CD247: variants seen among roughly 807,000 people sequenced by gnomAD.
CD247 encodes T-cell surface glycoprotein CD3 zeta chain.
A neutral mutation model predicts 30.0 loss-of-function variants in CD247; 13 were observed. That is an observed-to-expected ratio of 0.43 (90% CI 0.28 to 0.69). CD247 has a LOEUF of 0.69. Ranked by LOEUF, CD247 falls within the 30% of genes least tolerant of loss-of-function variation. The pLI is 0.16. For missense variants in CD247, 193 were observed against 212.6 expected, an observed-to-expected ratio of 0.91 and a Z score of 0.57; for synonymous variants, 72 against 80.0, an observed-to-expected ratio of 0.90 and a Z score of 0.53.
At chr1:167,502,888 C>G (rs1410920204) in intron 1 of CD247, among the ~76,000 whole-genome samples, 4 of 152,178 alleles carry the variant, frequency 2.6e-5, no homozygotes, top group Admixed American at 2.6e-4. Context: ...GCACAGCCCT[C>G]AGAAGGAACC....
At chr1:167,511,418 C>T (rs1224403986) in intron 1 of CD247, among the ~76,000 whole-genome samples, 1 of 152,052 alleles carries the variant, frequency 6.6e-6, no homozygotes, top group Non-Finnish European at 1.5e-5. Flanking sequence ...CAAATTGAGG[C>T]GCATCCCTCT....
chr1:167,492,018 CA>C lies in CD247; in HGVS notation c.58+26389del, dbSNP rs1159958261. Among the ~76,000 whole-genome samples the C allele has an allele frequency of 3.3e-5, 5 of 152,164 alleles. No individual in the cohort carries two copies. In the East Asian group the frequency reaches 9.6e-4, roughly 29 times the overall value. ...TCATGGGTACAGAGTTTCAGTTTCGCAAAATGAAAAGAATTCTAGAGACGGA... is the reference window on the plus strand; with the variant it reads ...TCATGGGTACAGAGTTTCAGTTTCGCAAATGAAAAGAATTCTAGAGACGGA... On this transcript the variant is annotated intron_variant, in intron 1 of 7. Transcript: ENST00000362089.
At position 167,430,766 on chromosome 1, in the gene CD247, G is replaced by C; in HGVS notation, c.*915C>G. On this transcript the variant is annotated 3_prime_UTR_variant, in exon 8 of 8. Coordinates refer to ENST00000362089, the MANE Select transcript of CD247 (RefSeq NM_198053.3). The stretch of plus-strand genomic sequence containing the variant: ...TCCATGGCCTGTGCCCTGTAATGAC[G>C]CAGCAGTATCCTAGTACATTGACGG... 1 of 398,694 alleles carries C rather than the reference G, an allele frequency of 2.5e-6. No individual in the cohort carries two copies. Among genetic ancestry groups the C allele is most frequent in the Non-Finnish European group, 4.4e-6 (1 of 226,094 alleles). The allele number at this position is 398,694 out of a possible 1,614,324, so 24.7% of individuals were successfully genotyped here.
At chr1:167,482,136 C>A (rs931431842) in intron 1 of CD247, among the ~76,000 whole-genome samples, 1 of 152,198 alleles carries the variant, frequency 6.6e-6, no homozygotes, top group Non-Finnish European at 1.5e-5. Context: ...GTGAAAAGTT[C>A]TCTGGCCTGA....
At position 167,431,429 on chromosome 1, in the gene CD247, T is replaced by C; in HGVS notation, c.*252A>G. 1 of 605,614 alleles carries C rather than the reference T, an allele frequency of 1.7e-6. No homozygotes were observed. The highest frequency in any genetic ancestry group is 2.9e-6 in the Non-Finnish European group (1 of 340,546). 37.5% of individuals were successfully genotyped at this position (605,614 alleles called of 1,614,324 possible). A position where few individuals can be genotyped will look rare whatever the true frequency, so the allele number is the denominator to read the frequency against. On this transcript the variant is annotated 3_prime_UTR_variant, in exon 8 of 8. Coordinates refer to ENST00000362089, the MANE Select transcript of CD247 (RefSeq NM_198053.3). ...ACGAGGAACCGCCAGGAGACAGGTC[T>C]ACCTGCACCACCGGCAAACCAGAGG... is the stretch of plus-strand genomic sequence containing the variant.
chr1:167,443,197 TA>T (rs1381064294), intron 1 of CD247, among the ~76,000 whole-genome samples: 17 of 152,206 alleles, frequency 1.1e-4, no homozygotes, highest in Admixed American at 6.5e-5. Context: ...CCCCTCCATC[TA>T]GGCTGTCAGC....
chr1:167,473,092 TACACACACACACACAC>T (rs35004482), intron 1 of CD247, among the ~76,000 whole-genome samples: 1 of 146,526 alleles, frequency 6.8e-6, no homozygotes, highest in Non-Finnish European at 1.5e-5. Flanking sequence ...CTTCAAGTTT[TACACACACACACACAC>T]ACACACACAC....
chr1:167,468,617 T>C (rs1653372240), intron 1 of CD247, among the ~76,000 whole-genome samples: 1 of 152,220 alleles, frequency 6.6e-6, no homozygotes, highest in South Asian at 2.1e-4. Context: ...GTGACTTGCA[T>C]AGAGAGCTCA....
intron 1 of CD247, among the ~76,000 whole-genome samples, chr1:167,458,068 G>C (rs12062070): frequency 0.058 from 8,851 of 152,266 alleles, 839 homozygotes; most frequent in African/African-American, 0.2. Flanking sequence ...CACCTAAAGT[G>C]CGTGACCTTA....
At chr1:167,492,332 A>C (rs1654491454) in intron 1 of CD247, among the ~76,000 whole-genome samples, 1 of 152,168 alleles carries the variant, frequency 6.6e-6, no homozygotes, top group Non-Finnish European at 1.5e-5. Flanking sequence ...TTTCACCGAC[A>C]GAAAGGCTTA....
rs564918788 is a variant in CD247 at position 167,449,238 on chromosome 1, C to T, written c.59-8471G>A. On this transcript the variant is annotated intron_variant, in intron 1 of 7. Coordinates refer to ENST00000362089, the MANE Select transcript of CD247 (RefSeq NM_198053.3). ...CATGATCTTGGCTGACTGCAACCTCCGCCTCCCAGGTTCAAGCGATTCTCC... is the reference window on the plus strand; with the variant it reads ...CATGATCTTGGCTGACTGCAACCTCTGCCTCCCAGGTTCAAGCGATTCTCC... Among the ~76,000 whole-genome samples, 12 of 144,410 alleles carry T rather than the reference C, an allele frequency of 8.3e-5. 1 individual carries two copies. Among genetic ancestry groups the T allele is most frequent in the East Asian group, 2.0e-4 (1 of 4,898 alleles). 94.7% of individuals were successfully genotyped at this position (144,410 alleles called of 152,430 possible). A position where few individuals can be genotyped will look rare whatever the true frequency, so the allele number is the denominator to read the frequency against.
At chr1:167,468,583 G>A (rs1571554451) in intron 1 of CD247, among the ~76,000 whole-genome samples, 1 of 152,284 alleles carries the variant, frequency 6.6e-6, no homozygotes, top group South Asian at 2.1e-4. Context: ...CTGTTTTAGA[G>A]TCTTCTTCCT....
intron 7 of CD247, among the ~76,000 whole-genome samples, chr1:167,432,186 G>T (rs946034025): frequency 6.6e-6 from 1 of 152,232 alleles, no homozygotes; most frequent in Non-Finnish European, 1.5e-5. Context: ...GTCACAGGGA[G>T]AAGAGGGGCT....
At chr1:167,508,660 G>T (rs1392328457) in intron 1 of CD247, among the ~76,000 whole-genome samples, 1 of 152,154 alleles carries the variant, frequency 6.6e-6, no homozygotes, top group Non-Finnish European at 1.5e-5. Flanking sequence ...GATTTCTCTC[G>T]ACTCTGTGGA....
At chr1:167,493,960 T>A (rs1654565945) in intron 1 of CD247, among the ~76,000 whole-genome samples, 1 of 152,160 alleles carries the variant, frequency 6.6e-6, no homozygotes, top group Admixed American at 6.5e-5. Flanking sequence ...CTATATGCTC[T>A]CACCATTGCA....
chr1:167,492,588 G>A (rs952585166), intron 1 of CD247, among the ~76,000 whole-genome samples: 8 of 152,196 alleles, frequency 5.3e-5, no homozygotes, highest in Non-Finnish European at 1.2e-4. Flanking sequence ...TTCTGGTCAC[G>A]TAGGCTGCTG....
At chr1:167,445,599 A>T (rs1652041744) in intron 1 of CD247, among the ~76,000 whole-genome samples, 1 of 152,006 alleles carries the variant, frequency 6.6e-6, no homozygotes, top group Admixed American at 6.6e-5. Context: ...CACTAACAGG[A>T]AGATTCTGGA....
intron 1 of CD247, among the ~76,000 whole-genome samples, chr1:167,451,373 C>A (rs1345252953): frequency 1.3e-5 from 2 of 152,158 alleles, no homozygotes; most frequent in African/African-American, 4.8e-5. Context: ...GCCTTGGGCC[C>A]CTGGGCTAAC....
At chr1:167,431,823 G>A (rs1270274716) in intron 7 of CD247, 77 bp from the exon 8 acceptor site, 3 of 1,243,142 alleles carry the variant, frequency 2.4e-6, no homozygotes, top group South Asian at 2.4e-5. Flanking sequence ...GAGGCCAACA[G>A]GTGTCTCTGC....
Sources: gnomAD v4.1 joint callset for allele counts (sites outside exome capture counted in the v4.1 genomes callset) on GRCh38, gnomAD v4.1.1 for gene constraint, MANE v1.5 for transcripts, NCBI Gene and HGNC (gene_info 2026-07-23, HGNC 2026-07-21) for gene names.